The following HBS1L variants were observed in gnomAD, a reference collection of about 807,000 sequenced individuals.
HBS1L encodes HBS1-like protein.
A neutral mutation model predicts 88.9 loss-of-function variants in HBS1L; 55 were observed. The ratio of observed to expected loss-of-function variants is 0.62; its 90% CI spans 0.50 to 0.77. The LOEUF (loss-of-function observed/expected upper bound fraction) is 0.77, where lower values mean the gene tolerates loss of function less well. Ranked by LOEUF, HBS1L falls within the 30% of genes least tolerant of loss-of-function variation. The pLI is 0.00. For synonymous variants in HBS1L, 267 were observed against 288.5 expected (o/e 0.93, Z 0.76); for missense variants, 741 against 829.3 (o/e 0.89, Z 1.31).
At chr6:134,985,954 G>A (rs992798387) in intron 11 of HBS1L, 112 bp downstream of exon 11, 3 of 638,214 alleles carry the variant, frequency 4.7e-6, no homozygotes, top group South Asian at 2.0e-5. Context: ...TAGTTCCTCC[G>A]ACTACAAATC....
intron 15 of HBS1L, among the ~76,000 whole-genome samples, chr6:134,978,133 T>A (rs1774704135): frequency 6.6e-6 from 1 of 152,014 alleles, no homozygotes; most frequent in Non-Finnish European, 1.5e-5. Context: ...ACCCAATACA[T>A]ACCAACTGGG....
chr6:135,007,187 G>A (rs886525375), intron 4 of HBS1L, among the ~76,000 whole-genome samples: 2 of 151,986 alleles, frequency 1.3e-5, no homozygotes, highest in Non-Finnish European at 2.9e-5. Flanking sequence ...AATACTTTTT[G>A]ATTTTTTTTC....
chr6:134,977,477 T>A (rs750638434), intron 15 of HBS1L, among the ~76,000 whole-genome samples: 5 of 152,062 alleles, frequency 3.3e-5, no homozygotes, highest in Non-Finnish European at 4.4e-5. Flanking sequence ...TATCTTCAAC[T>A]ATAGCAATTT....
In HBS1L at chr6:135,039,672, C is replaced by T. The variant is rs373710896; in HGVS notation, c.331G>A (p.Asp111Asn). The T allele has an allele frequency of 3.4e-5, 55 of 1,614,132 alleles. No individual in the cohort carries two copies. Among genetic ancestry groups the T allele is most frequent in the Non-Finnish European group, 4.2e-5 (49 of 1,179,996 alleles). Residue 111 changes from aspartate to asparagine, a missense_variant, in exon 4 of 18, where the codon GAT (aspartate) becomes AAT (asparagine). By Grantham distance (23) the Asp-to-Asn change is conservative (BLOSUM62 1). This residue lies in a region of HBS1L where 556 missense variants were observed against 598.4 expected (regional missense o/e 0.93). Coordinates refer to ENST00000367837, the MANE Select transcript of HBS1L (RefSeq NM_006620.4). The part of the protein sequence containing the change: ...LIEAVLKNKF[D>N]VQKALSGVLE... ...ACCCCTGACAAAGCCTTCTGCACATCAAACTTGTTCTTCAGAACTGCTTCA... is the reference window on the plus strand; with the variant it reads ...ACCCCTGACAAAGCCTTCTGCACATTAAACTTGTTCTTCAGAACTGCTTCA...
chr6:135,037,006 G>A, intron 4 of HBS1L: 1 of 1,551,398 alleles, frequency 6.4e-7, no homozygotes, highest in South Asian at 1.2e-5. Flanking sequence ...ATCTATTCCA[G>A]GAGACCTCAC....
intron 2 of HBS1L, among the ~76,000 whole-genome samples, chr6:135,044,508 A>G (rs965955718): frequency 2.6e-5 from 4 of 152,232 alleles, no homozygotes; most frequent in African/African-American, 9.6e-5. Flanking sequence ...TAAATTCTCT[A>G]AGAGGACAAC....
intron 12 of HBS1L, among the ~76,000 whole-genome samples, chr6:134,985,114 G>C (rs747088533): frequency 3.3e-5 from 5 of 151,064 alleles, no homozygotes; most frequent in Non-Finnish European, 7.4e-5. Flanking sequence ...GTTTTCTTAT[G>C]CTTGAAAGAT....
At chr6:135,040,509 G>A (rs1776701607) in intron 3 of HBS1L, among the ~76,000 whole-genome samples, 1 of 151,838 alleles carries the variant, frequency 6.6e-6, no homozygotes, top group Non-Finnish European at 1.5e-5. Context: ...CCGCCACCAT[G>A]CCCGGCTGAT....
chr6:134,985,979 A>G (rs1774967795), intron 11 of HBS1L, 87 bp downstream of exon 11: 1 of 688,440 alleles, frequency 1.5e-6, no homozygotes. Flanking sequence ...GCTTTTTCAT[A>G]CGTGTGACTC....
chr6:135,043,272 A>T (rs980687378), intron 2 of HBS1L, among the ~76,000 whole-genome samples: 1 of 152,242 alleles, frequency 6.6e-6, no homozygotes, highest in African/African-American at 2.4e-5. Context: ...GAAGGACAGA[A>T]ATATAGATAT....
At chr6:135,014,851 CAAAAAAAAAAAAA>C (rs57153800) in intron 4 of HBS1L, among the ~76,000 whole-genome samples, 2 of 85,380 alleles carry the variant, frequency 2.3e-5, no homozygotes, top group South Asian at 8.1e-4. Flanking sequence ...ACTGTCTCTA[CAAAAAAAAAAAAA>C]AAAAAAAAAA....
chr6:135,050,988 G>A (rs1777063431), intron 1 of HBS1L, among the ~76,000 whole-genome samples: 1 of 152,174 alleles, frequency 6.6e-6, no homozygotes, highest in Non-Finnish European at 1.5e-5. Flanking sequence ...AGCACTTTGG[G>A]AGGCCGAGGT....
chr6:135,001,825 T>G (rs1775467069), intron 5 of HBS1L, among the ~76,000 whole-genome samples: 1 of 151,888 alleles, frequency 6.6e-6, no homozygotes, highest in Non-Finnish European at 1.5e-5. Flanking sequence ...TGATAAACAT[T>G]CTTCCCAACC....
At chr6:134,997,009 A>C in intron 6 of HBS1L, 67 bp from the exon 7 acceptor site, 13 of 1,125,432 alleles carry the variant, frequency 1.2e-5, no homozygotes, top group South Asian at 1.6e-5. Flanking sequence ...GGCATTGCAT[A>C]AATGTGTAAT....
intron 1 of HBS1L, among the ~76,000 whole-genome samples, chr6:135,053,926 T>C (rs1023645007): frequency 1.3e-5 from 2 of 152,166 alleles, no homozygotes; most frequent in Non-Finnish European, 2.9e-5. Flanking sequence ...ATTTCATTTT[T>C]TAATATCAAA....
chr6:135,002,564 C>T (rs1165554668), intron 5 of HBS1L, 170 bp downstream of exon 5: 2 of 469,924 alleles, frequency 4.3e-6, no homozygotes, highest in Non-Finnish European at 7.8e-6. Context: ...CAGAATCAAG[C>T]CTAATTTCTC....
At position 135,014,029 on chromosome 6, in the gene HBS1L, G is replaced by A. The variant is rs186087499; in HGVS notation, c.431-11187C>T. ...CTTGATGGAGGGGGGTACCAGAGCCGAAACCCAAGGAAACAAGGGACAAGT... is the reference window on the plus strand; with the variant it reads ...CTTGATGGAGGGGGGTACCAGAGCCAAAACCCAAGGAAACAAGGGACAAGT... On this transcript the variant is annotated intron_variant, in intron 4 of 17. Coordinates refer to ENST00000367837, the MANE Select transcript of HBS1L (RefSeq NM_006620.4). Among the ~76,000 whole-genome samples the A allele has an allele frequency of 2.0e-3, 311 of 152,184 alleles. 1 individual carries two copies. Among genetic ancestry groups the A allele is most frequent in the African/African-American group, 7.4e-3 (307 of 41,516 alleles).
intron 2 of HBS1L, among the ~76,000 whole-genome samples, chr6:135,045,406 C>G (rs1776882142): frequency 6.6e-6 from 1 of 152,212 alleles, no homozygotes; most frequent in African/African-American, 2.4e-5. Flanking sequence ...ACACCTGAAA[C>G]TTCCTACAAT....
chr6:134,967,524 G>T (rs1489007531), intron 16 of HBS1L, among the ~76,000 whole-genome samples: 1 of 152,144 alleles, frequency 6.6e-6, no homozygotes, highest in East Asian at 1.9e-4. Flanking sequence ...AGGCCAAACG[G>T]TTGTGCAAAA....
Sources: gnomAD v4.1 joint callset for allele counts (sites outside exome capture counted in the v4.1 genomes callset) on GRCh38, gnomAD v4.1.1 for gene constraint, gnomAD v4.1.1 regional missense constraint, MANE v1.5 for transcripts, NCBI Gene and HGNC (gene_info 2026-07-23, HGNC 2026-07-21) for gene names.